SUPT3H: variants seen among roughly 807,000 people sequenced by gnomAD.
SUPT3H encodes transcription initiation protein SPT3 homolog.
In SUPT3H, 44 loss-of-function variants were observed where a neutral mutation model predicts 44.3. That is an observed-to-expected ratio of 0.99 (90% CI 0.78 to 1.28). The LOEUF (loss-of-function observed/expected upper bound fraction) is 1.28. SUPT3H is among the 50% of genes most tolerant of loss of function. The probability of loss-of-function intolerance (pLI) is 0.00; values close to 1 mark genes in which losing one functional copy is unlikely to be tolerated. For synonymous variants in SUPT3H, 124 were observed against 125.6 expected (o/e 0.99, Z 0.09); for missense variants, 380 against 387.1 (o/e 0.98, Z 0.15).
At chr6:45,295,524 C>CAAAAAAAAAAAAAAAAAAAAA (rs752887669) in intron 2 of SUPT3H, among the ~76,000 whole-genome samples, 6 of 40,088 alleles carry the variant, frequency 1.5e-4, no homozygotes, top group African/African-American at 1.7e-4. Context: ...TTTTGCACAG[C>CAAAAAAAAAAAAAAAAAAAAA]AAAAAAAAAA....
intron 10 of SUPT3H, among the ~76,000 whole-genome samples, chr6:44,923,760 G>T (rs1254886975): frequency 6.6e-6 from 1 of 151,888 alleles, no homozygotes; most frequent in Non-Finnish European, 1.5e-5. Context: ...GTAAGATATT[G>T]CTGCAGAGAG....
At chr6:45,063,060 T>C (rs1290727158) in intron 3 of SUPT3H, among the ~76,000 whole-genome samples, 1 of 149,352 alleles carries the variant, frequency 6.7e-6, no homozygotes, top group African/African-American at 2.5e-5. Context: ...TAAGTGTCCC[T>C]GTCTGACAGC....
At chr6:45,098,941 G>A in intron 3 of SUPT3H, 5 of 487,562 alleles carry the variant, frequency 1.0e-5, no homozygotes, top group Admixed American at 4.3e-5. Context: ...CAGAGGAAAA[G>A]AAAAAGAGAA....
At chr6:44,901,082 G>A (rs920018875) in intron 10 of SUPT3H, among the ~76,000 whole-genome samples, 1 of 152,142 alleles carries the variant, frequency 6.6e-6, no homozygotes, top group Non-Finnish European at 1.5e-5. Flanking sequence ...AAAAAACAGA[G>A]CAGAAAAACT....
At chr6:45,299,301 A>C (rs1180617139) in intron 2 of SUPT3H, among the ~76,000 whole-genome samples, 1 of 148,332 alleles carries the variant, frequency 6.7e-6, no homozygotes, top group African/African-American at 2.5e-5. Flanking sequence ...GCGCCACTGC[A>C]CTCCAGCTTG....
chr6:45,281,985 A>G (rs1160408631), intron 2 of SUPT3H, among the ~76,000 whole-genome samples: 1 of 152,214 alleles, frequency 6.6e-6, no homozygotes, highest in African/African-American at 2.4e-5. Context: ...CAGGGTCTAG[A>G]GTGGACATCC....
chr6:45,134,924 G>GT lies in SUPT3H; in HGVS notation c.102-28919dup, dbSNP rs35659674. 1.9e-3 allele frequency among the ~76,000 whole-genome samples: 296 copies of GT among 152,254 alleles called. 3 individuals are homozygous for GT. The highest frequency in any genetic ancestry group is 6.8e-3 in the African/African-American group (283 of 41,536). ...TGTGGCAGCTCTACCCCTACAGCAG[G>GT]TTTTTTCTGGGACCTCCAGGGTGTC... On this transcript the variant is annotated intron_variant, in intron 2 of 10. Transcript: ENST00000371459.
At chr6:44,856,852 C>T (rs1055334950) in intron 10 of SUPT3H, among the ~76,000 whole-genome samples, 5 of 152,114 alleles carry the variant, frequency 3.3e-5, no homozygotes, top group African/African-American at 9.7e-5. Context: ...ATGTGCTATG[C>T]TAATTTAAGG....
At chr6:45,337,151 T>C (rs1009409615) in intron 2 of SUPT3H, among the ~76,000 whole-genome samples, 2 of 151,752 alleles carry the variant, frequency 1.3e-5, no homozygotes, top group African/African-American at 4.8e-5. Flanking sequence ...CCTTTTGAAC[T>C]GCCCATATGA....
At chr6:44,834,535 A>G (rs919306634) in intron 10 of SUPT3H, among the ~76,000 whole-genome samples, 9 of 152,192 alleles carry the variant, frequency 5.9e-5, no homozygotes, top group African/African-American at 2.2e-4. Flanking sequence ...AACCAAGCTG[A>G]ACAAACCCTT....
chr6:44,924,470 A>G (rs1170875263), intron 10 of SUPT3H, among the ~76,000 whole-genome samples: 2 of 152,092 alleles, frequency 1.3e-5, no homozygotes, highest in Non-Finnish European at 2.9e-5. Flanking sequence ...TCTTCTACAG[A>G]ATTTAGTTTA....
chr6:45,051,311 A>G (rs1270188760), intron 3 of SUPT3H, among the ~76,000 whole-genome samples: 1 of 152,124 alleles, frequency 6.6e-6, no homozygotes, highest in Non-Finnish European at 1.5e-5. Flanking sequence ...AAGTAGAAAC[A>G]TATGAAAGGC....
intron 2 of SUPT3H, among the ~76,000 whole-genome samples, chr6:45,318,529 G>A (rs1785032565): frequency 6.6e-6 from 1 of 152,096 alleles, no homozygotes; most frequent in African/African-American, 2.4e-5. Flanking sequence ...GAAGGTGAGA[G>A]CTTATGGGAA....
intron 2 of SUPT3H, among the ~76,000 whole-genome samples, chr6:45,141,544 T>C (rs1805215719): frequency 6.6e-6 from 1 of 151,256 alleles, no homozygotes; most frequent in Non-Finnish European, 1.5e-5. Flanking sequence ...AAAGACACAC[T>C]TAGAGAAACA....
At chr6:45,173,637 TAAACC>T (rs1369432461) in intron 2 of SUPT3H, among the ~76,000 whole-genome samples, 1 of 152,220 alleles carries the variant, frequency 6.6e-6, no homozygotes, top group Non-Finnish European at 1.5e-5. Context: ...CTAATGGTTC[TAAACC>T]AATAACTGTA....
At chr6:45,195,852 T>G (rs1265326349) in intron 2 of SUPT3H, among the ~76,000 whole-genome samples, 1 of 152,120 alleles carries the variant, frequency 6.6e-6, no homozygotes, top group South Asian at 2.1e-4. Context: ...TTAGTTTGAA[T>G]CTCACTGAGG....
intron 1 of SUPT3H, among the ~76,000 whole-genome samples, chr6:45,372,336 T>C (rs112086400): frequency 0.029 from 4,483 of 152,284 alleles, 93 homozygotes; most frequent in Non-Finnish European, 0.047. Context: ...TTCATGCTGA[T>C]GATGATGATT....
At chr6:45,253,548 T>G (rs891907748) in intron 2 of SUPT3H, among the ~76,000 whole-genome samples, 11 of 152,030 alleles carry the variant, frequency 7.2e-5, no homozygotes, top group African/African-American at 2.7e-4. Context: ...CCAAGAACTT[T>G]GGGAGGCTGA....
At chr6:44,978,858 C>T (rs1778705153) in intron 6 of SUPT3H, among the ~76,000 whole-genome samples, 1 of 152,124 alleles carries the variant, frequency 6.6e-6, no homozygotes, top group Non-Finnish European at 1.5e-5. Flanking sequence ...ATTGCCCAAA[C>T]GTTGTATGCA....
Sources: allele counts gnomAD v4.1 joint callset (sites outside exome capture counted in the v4.1 genomes callset), GRCh38; gene constraint gnomAD v4.1.1; transcripts MANE v1.5; gene names NCBI Gene and HGNC (gene_info 2026-07-23, HGNC 2026-07-21).